The following C1QTNF3 variants were observed in gnomAD, a reference collection of about 807,000 sequenced individuals.
C1QTNF3 encodes the protein C1q and TNF related 3.
C1QTNF3 carries 26 observed loss-of-function variants against 32.6 expected under a neutral mutation model. The ratio of observed to expected loss-of-function variants is 0.80; its 90% CI spans 0.58 to 1.11. The LOEUF is 1.11. Ranked by LOEUF, C1QTNF3 falls within the 50% of genes least tolerant of loss-of-function variation. The pLI is 0.00. For missense variants in C1QTNF3, 362 were observed against 398.2 expected, an observed-to-expected ratio of 0.91 and a Z score of 0.77; for synonymous variants, 155 against 146.0, an observed-to-expected ratio of 1.06 and a Z score of -0.44.
At chr5:34,212,078 A>G in the C1QTNF3 span, among the ~76,000 whole-genome samples, 4 of 151,742 alleles carry the variant, frequency 2.6e-5, no homozygotes, top group Admixed American at 6.6e-5. Flanking sequence ...GGAACAGAAC[A>G]GAGCCCTCAG....
chr5:34,044,425 CACTG>C (rs1162582424), upstream of C1QTNF3, among the ~76,000 whole-genome samples: 5 of 152,132 alleles, frequency 3.3e-5, no homozygotes, highest in South Asian at 6.2e-4. Context: ...GGCGAGGAGG[CACTG>C]TGGGAAACTG....
At chr5:34,178,083 A>C in the C1QTNF3 span, among the ~76,000 whole-genome samples, 1 of 147,244 alleles carries the variant, frequency 6.8e-6, no homozygotes, top group Non-Finnish European at 1.5e-5. Context: ...CCTGACCAAC[A>C]TGGTGAAACC....
chr5:34,074,245 C>T, the C1QTNF3 span, among the ~76,000 whole-genome samples: 70 of 151,572 alleles, frequency 4.6e-4, 6 homozygotes, highest in African/African-American at 1.7e-3. Flanking sequence ...TCCCTGTTAG[C>T]TTGGAGCAGG....
the C1QTNF3 span, among the ~76,000 whole-genome samples, chr5:34,137,752 G>A: frequency 6.6e-6 from 1 of 152,138 alleles, no homozygotes; most frequent in Admixed American, 6.5e-5. Context: ...ATTTACATTT[G>A]TATAAACATA....
At chr5:34,031,982 A>G (rs1754625144) in intron 3 of C1QTNF3, among the ~76,000 whole-genome samples, 1 of 152,266 alleles carries the variant, frequency 6.6e-6, no homozygotes, top group Non-Finnish European at 1.5e-5. Flanking sequence ...AATGAAAGAC[A>G]GTTTCCCCCT....
chr5:34,211,756 G>C, the C1QTNF3 span, among the ~76,000 whole-genome samples: 1 of 151,882 alleles, frequency 6.6e-6, no homozygotes, highest in Admixed American at 6.6e-5. Context: ...ATTCCATGGT[G>C]TATATGTGCC....
the C1QTNF3 span, among the ~76,000 whole-genome samples, chr5:34,087,028 C>A: frequency 6.6e-6 from 1 of 150,438 alleles, no homozygotes; most frequent in African/African-American, 2.4e-5. Context: ...TATGCACTGG[C>A]TACTCTGAAA....
At chr5:34,230,112 G>A in the C1QTNF3 span, among the ~76,000 whole-genome samples, 8 of 152,258 alleles carry the variant, frequency 5.3e-5, no homozygotes, top group Admixed American at 3.3e-4. Flanking sequence ...AGAAATAAAC[G>A]TCAGTTGTTT....
the C1QTNF3 span, among the ~76,000 whole-genome samples, chr5:34,157,579 A>C: frequency 6.6e-6 from 1 of 152,300 alleles, no homozygotes; most frequent in South Asian, 2.1e-4. Flanking sequence ...CATATAGTCC[A>C]TGGGTTCTTA....
At chr5:34,161,190 C>A in the C1QTNF3 span, among the ~76,000 whole-genome samples, 1 of 152,144 alleles carries the variant, frequency 6.6e-6, no homozygotes, top group East Asian at 1.9e-4. Context: ...TTCACCATAT[C>A]CATGGTTACA....
chr5:34,142,091 T>C, the C1QTNF3 span, among the ~76,000 whole-genome samples: 1,965 of 152,286 alleles, frequency 0.013, 47 homozygotes, highest in African/African-American at 0.045. Context: ...ATCCCCATAA[T>C]ACAGCATCTG....
chr5:34,043,984 T>C (rs7735487), upstream of C1QTNF3, among the ~76,000 whole-genome samples: 2,607 of 152,256 alleles, frequency 0.017, 72 homozygotes, highest in African/African-American at 0.061. Context: ...ATGCCTGTAA[T>C]CCCAGCACCT....
chr5:34,222,795 A>T, the C1QTNF3 span, among the ~76,000 whole-genome samples: 3 of 152,020 alleles, frequency 2.0e-5, no homozygotes, highest in Non-Finnish European at 2.9e-5. Context: ...CTCATAGCAG[A>T]ATATGAGAAT....
chr5:34,156,227 A>C, the C1QTNF3 span, among the ~76,000 whole-genome samples: 1 of 152,056 alleles, frequency 6.6e-6, no homozygotes, highest in East Asian at 1.9e-4. Context: ...CCCACCACCA[A>C]GCCCAGGTAA....
the C1QTNF3 span, among the ~76,000 whole-genome samples, chr5:34,164,055 A>G: frequency 1.2e-4 from 19 of 152,212 alleles, no homozygotes; most frequent in Non-Finnish European, 2.5e-4. Context: ...ATATTACAAA[A>G]GGGAAGTTAA....
chr5:34,094,155 A>G, the C1QTNF3 span, among the ~76,000 whole-genome samples: 1 of 152,188 alleles, frequency 6.6e-6, no homozygotes, highest in Non-Finnish European at 1.5e-5. Flanking sequence ...ATTTTGCTGC[A>G]ATAGAATGGG....
At chr5:34,220,540 C>T in the C1QTNF3 span, among the ~76,000 whole-genome samples, 4 of 151,932 alleles carry the variant, frequency 2.6e-5, no homozygotes, top group Non-Finnish European at 5.9e-5. Context: ...CAAGCACACA[C>T]ACACACACGA....
the C1QTNF3 span, among the ~76,000 whole-genome samples, chr5:34,163,174 C>T: frequency 6.6e-6 from 1 of 151,968 alleles, no homozygotes; most frequent in Admixed American, 6.6e-5. Flanking sequence ...CATTTAATTA[C>T]AATTTTAGAT....
the C1QTNF3 span, among the ~76,000 whole-genome samples, chr5:34,155,503 C>A: frequency 6.6e-6 from 1 of 152,152 alleles, no homozygotes; most frequent in Non-Finnish European, 1.5e-5. Context: ...TTACTCAGAC[C>A]TGATTTTAAT....
Sources: allele counts gnomAD v4.1 joint callset (sites outside exome capture counted in the v4.1 genomes callset), GRCh38; gene constraint gnomAD v4.1.1; transcripts MANE v1.5; gene names NCBI Gene and HGNC (gene_info 2026-07-23, HGNC 2026-07-21).